Variants in DGKH observed in about 807,000 individuals in gnomAD.
DGKH encodes the protein diacylglycerol kinase eta.
A neutral mutation model predicts 159.3 loss-of-function variants in DGKH; 90 were observed. The ratio of observed to expected loss-of-function variants is 0.57; its 90% confidence interval spans 0.48 to 0.67. DGKH has a LOEUF of 0.67. DGKH is among the 30% of genes least tolerant of loss of function. The pLI is 0.00. For synonymous variants in DGKH, 536 were observed against 553.8 expected (o/e 0.97, Z 0.45); for missense variants, 1,181 against 1,506.1 (o/e 0.78, Z 3.57).
chr13:42,103,757 A>G (rs1345427507), intron 1 of DGKH, among the ~76,000 whole-genome samples: 1 of 152,238 alleles, frequency 6.6e-6, no homozygotes, highest in Non-Finnish European at 1.5e-5. Flanking sequence ...TGCTAAAGCC[A>G]GGAATAGAGT....
chr13:42,083,606 C>T (rs191783964), intron 1 of DGKH, among the ~76,000 whole-genome samples: 101 of 152,234 alleles, frequency 6.6e-4, no homozygotes, highest in African/African-American at 2.4e-3. Context: ...AGTTTGGATG[C>T]GGGCTGAACT....
chr13:42,199,557 T>G lies in DGKH; in HGVS notation c.2286-9T>G. On this transcript the variant is annotated splice_polypyrimidine_tract_variant and intron_variant, in intron 18 of 29. Transcript: ENST00000337343. ...ATTGACTTTGATGTACTTTTCCCTG[T>G]GATCATAGAGATGGATATTCAGAAA... 6.4e-7 allele frequency: 1 copy of G among 1,551,152 alleles called. No homozygotes were observed. Among genetic ancestry groups the G allele is most frequent in the Non-Finnish European group, 8.7e-7 (1 of 1,144,138 alleles).
rs1342561210 is a variant in DGKH, at chr13:42,236,769, G to GGT, written c.*7583_*7584dup. 1 of 152,272 alleles carries GGT rather than the reference G, an allele frequency of 6.6e-6. No individual in the cohort carries two copies. Among genetic ancestry groups the GGT allele is most frequent in the African/African-American group, 2.4e-5 (1 of 41,442 alleles). 9.4% of individuals were successfully genotyped at this position (152,272 alleles called of 1,614,324 possible). ...AATACAAAAATTAGCCAGGTGTGGT[G>GGT]GTGGGTGCCTGTAATCCCAGCTACT... On this transcript the variant is annotated 3_prime_UTR_variant, in exon 30 of 30. Transcript: ENST00000337343.
chr13:42,122,877 T>C (rs1220741474), intron 1 of DGKH, among the ~76,000 whole-genome samples: 1 of 152,146 alleles, frequency 6.6e-6, no homozygotes, highest in African/African-American at 2.4e-5. Context: ...CAAAGAGTGG[T>C]CATGTTTTGG....
chr13:42,119,525 T>G (rs949377431), intron 1 of DGKH, among the ~76,000 whole-genome samples: 2 of 152,222 alleles, frequency 1.3e-5, no homozygotes, highest in Non-Finnish European at 2.9e-5. Context: ...TGACATTCAG[T>G]GTAGTTTCTT....
At chr13:42,156,455 G>T (rs1219501438) in intron 5 of DGKH, among the ~76,000 whole-genome samples, 1 of 151,752 alleles carries the variant, frequency 6.6e-6, no homozygotes, top group Non-Finnish European at 1.5e-5. Flanking sequence ...TGCCCAGGCT[G>T]GTCTCAAACT....
At chr13:42,177,983 T>A (rs545618368) in intron 12 of DGKH, 152 bp from the exon 13 acceptor site, 1 of 412,252 alleles carries the variant, frequency 2.4e-6, no homozygotes, top group African/African-American at 2.1e-5. Context: ...AAAGGAAATA[T>A]CTATTTTGCA....
At chr13:42,163,312 G>A (rs566496516) in intron 7 of DGKH, among the ~76,000 whole-genome samples, 11 of 151,940 alleles carry the variant, frequency 7.2e-5, no homozygotes, top group South Asian at 2.1e-4. Context: ...GAATAGTGCC[G>A]CAATAAACAT....
intron 3 of DGKH, among the ~76,000 whole-genome samples, chr13:42,130,214 C>G (rs1955260379): frequency 6.6e-6 from 1 of 152,196 alleles, no homozygotes; most frequent in Non-Finnish European, 1.5e-5. Flanking sequence ...CTAGTATTAC[C>G]AGACAATTTA....
At chr13:42,219,396 TA>T in intron 27 of DGKH, 47 bp downstream of exon 27, 1 of 1,593,402 alleles carries the variant, frequency 6.3e-7, no homozygotes, top group South Asian at 1.1e-5. Context: ...ACCATATTGC[TA>T]TAGAATTTGA....
At chr13:42,157,840 C>G (rs1019726806) in intron 5 of DGKH, among the ~76,000 whole-genome samples, 1 of 152,240 alleles carries the variant, frequency 6.6e-6, no homozygotes, top group African/African-American at 2.4e-5. Flanking sequence ...ATTGCAACCT[C>G]TGCCTTCCTG....
chr13:42,082,028 G>A (rs1297512382), intron 1 of DGKH, among the ~76,000 whole-genome samples: 2 of 152,084 alleles, frequency 1.3e-5, no homozygotes, highest in African/African-American at 4.8e-5. Context: ...TCCTTAGACA[G>A]TGAGAAATGT....
At chr13:42,049,007 G>A (rs956515637) in intron 1 of DGKH, 42 bp downstream of exon 1, 4 of 1,254,684 alleles carry the variant, frequency 3.2e-6, no homozygotes, top group Non-Finnish European at 4.0e-6. Flanking sequence ...GTGGAAAGCG[G>A]GAGGTGGAGA....
At chr13:42,159,035 A>G (rs990001592) in intron 5 of DGKH, among the ~76,000 whole-genome samples, 7 of 152,068 alleles carry the variant, frequency 4.6e-5, no homozygotes, top group Non-Finnish European at 8.8e-5. Flanking sequence ...TGTTCCTCTA[A>G]GTAGCAGTCT....
At chr13:42,169,499 G>A (rs1453341237) in intron 11 of DGKH, among the ~76,000 whole-genome samples, 1 of 152,096 alleles carries the variant, frequency 6.6e-6, no homozygotes, top group Non-Finnish European at 1.5e-5. Flanking sequence ...TGGGTATAAG[G>A]AACAACAGGA....
chr13:42,189,986 A>G (rs528512191), intron 15 of DGKH, among the ~76,000 whole-genome samples: 8 of 152,296 alleles, frequency 5.3e-5, no homozygotes, highest in East Asian at 1.9e-4. Flanking sequence ...TTTTCTTAAC[A>G]TTAATTTCCC....
At chr13:42,188,245 G>A (rs958373372) in intron 14 of DGKH, among the ~76,000 whole-genome samples, 5 of 152,162 alleles carry the variant, frequency 3.3e-5, no homozygotes, top group African/African-American at 4.8e-5. Context: ...GAAAGGGACT[G>A]GAAATTTTAT....
chr13:42,192,543 CTCCTCCTCCTCCTCCCT>C (rs1253845399), intron 16 of DGKH, among the ~76,000 whole-genome samples: 3 of 151,408 alleles, frequency 2.0e-5, no homozygotes, highest in Non-Finnish European at 2.9e-5. Flanking sequence ...CCTCTTCCTT[CTCCTCCTCCTCCTCCCT>C]TCCTCCTCCT....
rs527897357 is a variant in DGKH, at chr13:42,239,850, C to T, written c.*10662C>T. On this transcript the variant is annotated 3_prime_UTR_variant, in exon 30 of 30. Transcript: ENST00000337343. Reference sequence around the variant, plus strand: ...TCTTCCTTTTTAGTATCCTCACCAACCTTCCCTCTGTTGACTTTTGTAATC... The same window carrying T: ...TCTTCCTTTTTAGTATCCTCACCAATCTTCCCTCTGTTGACTTTTGTAATC... 6.6e-6 allele frequency: 1 copy of T among 152,202 alleles called. No homozygotes were observed. Among genetic ancestry groups the T allele is most frequent in the Non-Finnish European group, 1.5e-5 (1 of 68,050 alleles). 9.4% of individuals were successfully genotyped at this position (152,202 alleles called of 1,614,324 possible).
Sources: gnomAD v4.1 joint callset for allele counts (sites outside exome capture counted in the v4.1 genomes callset) on GRCh38, gnomAD v4.1.1 for gene constraint, MANE v1.5 for transcripts, NCBI Gene and HGNC (gene_info 2026-07-23, HGNC 2026-07-21) for gene names.